Variants in TJAP1 observed in about 807,000 individuals in gnomAD.
TJAP1 encodes the protein tight junction associated protein 1.
TJAP1 carries 27 observed loss-of-function variants against 42.0 expected under a neutral mutation model. That is an observed-to-expected ratio of 0.64 (90% CI 0.47 to 0.89). The LOEUF (loss-of-function observed/expected upper bound fraction) is 0.89, where lower values mean the gene tolerates loss of function less well. Ranked by LOEUF, TJAP1 falls within the 40% of genes least tolerant of loss-of-function variation. TJAP1 has a pLI of 0.00. For missense variants in TJAP1, 712 were observed against 726.9 expected (o/e 0.98, Z 0.24); for synonymous variants, 257 against 288.4 (o/e 0.89, Z 1.10).
At chr6:43,504,478 G>C (rs1486347789) in intron 10 of TJAP1, 1 of 488,684 alleles carries the variant, frequency 2.0e-6, no homozygotes, top group African/African-American at 1.9e-5. Flanking sequence ...AGTATGGTTT[G>C]GGCAGAAGCT....
At chr6:43,503,570 C>G (rs376997599) in intron 9 of TJAP1, 53 bp from the exon 10 acceptor site, 510 of 1,612,122 alleles carry the variant, frequency 3.2e-4, no homozygotes, top group Non-Finnish European at 4.0e-4. Flanking sequence ...TGGCTCGGCC[C>G]TGCTTCCTTG....
At position 43,501,754 on chromosome 6, in the gene TJAP1, A is replaced by ACT. The variant is rs1213227418; in HGVS notation, c.290+68_290+69insTC. On this transcript the variant is annotated intron_variant, in intron 6 of 10. Coordinates refer to ENST00000372449, the Ensembl canonical transcript of TJAP1. Reference sequence around the variant, plus strand: ...CACACACACACACACACACACACACACACACTCTCTCTGTCTCTCTCTCTC... The same window carrying ACT: ...CACACACACACACACACACACACACACTCACACTCTCTCTGTCTCTCTCTCTC... The ACT allele has an allele frequency of 8.5e-5, 47 of 551,362 alleles. 1 individual carries two copies. The African/African-American group carries it at 9.4e-4, about 11-fold the overall frequency. The allele number at this position is 551,362 out of a possible 1,614,324, so 34.2% of individuals were successfully genotyped here. A position where few individuals can be genotyped will look rare whatever the true frequency, so the allele number is the denominator to read the frequency against.
At chr6:43,504,923 C>A in exon 11 of TJAP1, 1 of 1,614,226 alleles carries the variant, frequency 6.2e-7, no homozygotes, top group Non-Finnish European at 8.5e-7. Flanking sequence ...CAATTCAGCC[C>A]AGTCAGGCAG....
rs145497550 is a variant in TJAP1, at chr6:43,505,647, C to T, written c.1466C>T (p.Pro489Leu). 72 of 1,613,200 alleles carry T rather than the reference C, an allele frequency of 4.5e-5. No individual in the cohort carries two copies. The African/African-American group carries it at 9.3e-4, about 21-fold the overall frequency. Reference sequence around the variant, plus strand: ...AGGGAGGAAGAAGAGCTGAACCTGCCTATCAGTCCTGAGGAAGAGCGCCAG... The same window carrying T: ...AGGGAGGAAGAAGAGCTGAACCTGCTTATCAGTCCTGAGGAAGAGCGCCAG... Residue 489 changes from proline (P) to leucine (L), a missense_variant, in exon 11 of 11, where the codon CCT (proline) becomes CTT (leucine). By Grantham distance (98) the Pro-to-Leu change is moderately conservative. Around this residue, in one of 3 missense-constraint regions of TJAP1, gnomAD observed 549 missense variants for 528.2 expected, o/e 1.04. Coordinates refer to ENST00000372449, the Ensembl canonical transcript of TJAP1. The surrounding 1 kb of genome is among the most constrained non-coding windows in gnomAD (Gnocchi z 5.5).
At chr6:43,502,745 A>T in intron 8 of TJAP1, 128 bp downstream of exon 8, 1 of 1,080,558 alleles carries the variant, frequency 9.3e-7, no homozygotes, top group South Asian at 1.3e-5. Flanking sequence ...TCCCTGTATG[A>T]GGCCCGTTTA....
intron 2 of TJAP1, among the ~76,000 whole-genome samples, chr6:43,484,776 A>C (rs1424061218): frequency 1.3e-5 from 2 of 152,066 alleles, no homozygotes; most frequent in Non-Finnish European, 2.9e-5. Flanking sequence ...TCCAGGCTGG[A>C]GTGCAGTGGC....
At chr6:43,503,350 G>A (rs940136587) in intron 8 of TJAP1, 51 bp from the exon 9 acceptor site, 13 of 1,455,188 alleles carry the variant, frequency 8.9e-6, no homozygotes, top group Admixed American at 1.7e-5. Flanking sequence ...TGGAGGGAGA[G>A]GAAGGGCTGG....
chr6:43,501,758 A>ACACTCT (rs1423256237), intron 6 of TJAP1, 71 bp downstream of exon 6: 112 of 493,366 alleles, frequency 2.3e-4, no homozygotes, highest in African/African-American at 6.9e-4. Flanking sequence ...ACACACACAC[A>ACACTCT]CTCTCTCTGT....
chr6:43,493,658 C>T (rs1040480964), intron 2 of TJAP1, among the ~76,000 whole-genome samples: 17 of 152,144 alleles, frequency 1.1e-4, no homozygotes, highest in African/African-American at 3.6e-4. Flanking sequence ...GGCAGAACCC[C>T]GGAAAGGATG....
intron 10 of TJAP1, chr6:43,504,368 G>A: frequency 4.3e-6 from 1 of 234,140 alleles, no homozygotes; most frequent in South Asian, 6.5e-5. Context: ...ACCCGCCTCG[G>A]CCTCCCAAAG....
intron 8 of TJAP1, 106 bp downstream of exon 8, chr6:43,502,723 G>A (rs897386188): frequency 1.1e-5 from 14 of 1,254,660 alleles, no homozygotes; most frequent in East Asian, 5.1e-5. Context: ...GAGTACACCC[G>A]CTCCTTTCTC....
At chr6:43,490,395 A>G (rs1469480722) in intron 2 of TJAP1, among the ~76,000 whole-genome samples, 2 of 152,136 alleles carry the variant, frequency 1.3e-5, no homozygotes, top group African/African-American at 2.4e-5. Context: ...CTCAATTACC[A>G]TGCTGCTGCT....
chr6:43,502,748 C>T lies in TJAP1; in HGVS notation c.387+131C>T, dbSNP rs994363294. On this transcript the variant is annotated intron_variant, in intron 8 of 10. Transcript: ENST00000372449. ...GCTCCTTTCTCTTCCCTGTATGAGG[C>T]CCGTTTAACTGTCAATGCCTCCCTC... 10 of 1,042,740 alleles carry T rather than the reference C, an allele frequency of 9.6e-6. No individual in the cohort carries two copies. The South Asian group carries it at 1.4e-4, about 14-fold the overall frequency. The allele number at this position is 1,042,740 out of a possible 1,614,324, so 64.6% of individuals were successfully genotyped here. A position where few individuals can be genotyped will look rare whatever the true frequency, so the allele number is the denominator to read the frequency against.
chr6:43,488,890 G>A (rs1787164515), intron 2 of TJAP1, among the ~76,000 whole-genome samples: 1 of 152,218 alleles, frequency 6.6e-6, no homozygotes. Flanking sequence ...ATTATTGGAA[G>A]TGTTTCCTGT....
At chr6:43,483,275 A>AT (rs1421846140) in intron 2 of TJAP1, among the ~76,000 whole-genome samples, 24 of 152,096 alleles carry the variant, frequency 1.6e-4, no homozygotes, top group Non-Finnish European at 2.2e-4. Flanking sequence ...ATTCCACCTC[A>AT]TCTGTCCTGT....
intron 2 of TJAP1, among the ~76,000 whole-genome samples, chr6:43,481,108 G>A (rs1406854432): frequency 1.3e-5 from 2 of 152,158 alleles, no homozygotes; most frequent in Non-Finnish European, 2.9e-5. Context: ...TATCCATATT[G>A]TAGTAGAATT....
Position 43,501,754 on chromosome 6 carries a change from ACACACT to A in TJAP1, c.290+69_290+74del, listed in dbSNP as rs1292263245. 4.0e-3 allele frequency: 2,212 copies of A among 550,924 alleles called. 27 individuals carry two copies. The African/African-American group carries it at 0.052, about 13-fold the overall frequency. The allele number at this position is 550,924 out of a possible 1,614,324, so 34.1% of individuals were successfully genotyped here. A position where few individuals can be genotyped will look rare whatever the true frequency, so the allele number is the denominator to read the frequency against. The stretch of plus-strand genomic sequence containing the variant: ...CACACACACACACACACACACACAC[ACACACT>A]CTCTCTGTCTCTCTCTCTCTCTGTG... On this transcript the variant is annotated intron_variant, in intron 6 of 10. Coordinates refer to ENST00000372449, the Ensembl canonical transcript of TJAP1.
chr6:43,493,557 G>T (rs147160899), intron 2 of TJAP1, among the ~76,000 whole-genome samples: 54 of 152,318 alleles, frequency 3.5e-4, no homozygotes, highest in Admixed American at 3.3e-3. Context: ...CTGGGCTGGT[G>T]TTGAAGGGAT....
At chr6:43,498,835 T>C (rs1360952992) in intron 3 of TJAP1, 143 bp from the exon 4 acceptor site, 2 of 802,602 alleles carry the variant, frequency 2.5e-6, no homozygotes, top group Non-Finnish European at 3.8e-6. Flanking sequence ...GTCCTGCCCC[T>C]CTAGTGACTC....
Sources: allele counts gnomAD v4.1 joint callset (sites outside exome capture counted in the v4.1 genomes callset), GRCh38; gene constraint gnomAD v4.1.1; regional missense constraint gnomAD v4.1.1; non-coding constraint Gnocchi (gnomAD v3.1); transcripts MANE v1.5; gene names NCBI Gene and HGNC (gene_info 2026-07-23, HGNC 2026-07-21).